The following SCRN2 variants were observed in gnomAD, a reference collection of about 807,000 sequenced individuals.
SCRN2 encodes secernin 2, also known as secernin-2.
SCRN2 carries 30 observed loss-of-function variants against 40.1 expected under a neutral mutation model. The observed-to-expected ratio is 0.75, with a 90% CI of 0.56 to 1.01. The LOEUF (loss-of-function observed/expected upper bound fraction) is 1.01, where lower values mean the gene tolerates loss of function less well. Ranked by LOEUF, SCRN2 falls within the 50% of genes least tolerant of loss-of-function variation. SCRN2 has a pLI of 0.00. For synonymous variants in SCRN2, 240 were observed against 233.5 expected, an observed-to-expected ratio of 1.03 and a Z score of -0.25; for missense variants, 526 against 564.9, an observed-to-expected ratio of 0.93 and a Z score of 0.70.
At chr17:47,841,129 T>G in intron 1 of SCRN2, 79 bp downstream of exon 1, 1 of 325,282 alleles carries the variant, frequency 3.1e-6, no homozygotes, top group Non-Finnish European at 5.6e-6. Flanking sequence ...CCAAGAGTCC[T>G]GCGGCCCTGC....
In SCRN2 at chr17:47,838,573, T is replaced by C. The variant is rs1247071375; in HGVS notation, c.896A>G (p.Gln299Arg). The C allele has an allele frequency of 6.2e-7, 1 of 1,614,104 alleles. No individual in the cohort carries two copies. Among genetic ancestry groups the C allele is most frequent in the African/African-American group, 1.3e-5 (1 of 75,052 alleles). ...MVSVLPQDPT[Q>R]PCVHFLTATP... is the part of the protein sequence containing the mutation. Reference sequence around the variant, plus strand: ...GGCGGTAAGAAAGTGCACGCAGGGCTGCGTGGGATCCTGGGGCAGGACAGA... The same window carrying C: ...GGCGGTAAGAAAGTGCACGCAGGGCCGCGTGGGATCCTGGGGCAGGACAGA... Residue 299 changes from glutamine to arginine, a missense_variant, in exon 6 of 8, where the codon CAG (glutamine) becomes CGG (arginine). Physicochemically the swap from Gln to Arg is conservative, Grantham distance 43 (BLOSUM62 1). Coordinates refer to ENST00000290216, the MANE Select transcript of SCRN2 (RefSeq NM_138355.4).
At chr17:47,838,108 C>A in intron 7 of SCRN2, 106 bp from the exon 8 acceptor site, 1 of 1,533,698 alleles carries the variant, frequency 6.5e-7, no homozygotes, top group Non-Finnish European at 8.7e-7. Context: ...GAGATACCCC[C>A]CGACATTCCC....
At position 47,839,666 on chromosome 17, in the gene SCRN2, G is replaced by A. The variant is rs142824727; in HGVS notation, c.357-23C>T. The A allele has an allele frequency of 4.0e-3, 6,380 of 1,613,064 alleles. 16 individuals carry two copies. The highest frequency in any genetic ancestry group is 5.1e-3 in the Middle Eastern group (31 of 6,056). On this transcript the variant is annotated intron_variant, in intron 3 of 7. Transcript: ENST00000290216. ...AGCCTGGCAAAAGAGAGGGCCAAGG[G>A]ACAGAAGGGTGACAGAGGGATCAAT...
chr17:47,841,015 G>C, intron 1 of SCRN2, 172 bp from the exon 2 acceptor site: 1 of 537,558 alleles, frequency 1.9e-6, no homozygotes, highest in Non-Finnish European at 2.9e-6. Flanking sequence ...CTCTCCCCAG[G>C]CTCCAGGCTT....
rs777623780 is a variant in SCRN2 at position 47,840,802 on chromosome 17, G to A, written c.42C>T (p.Cys14=). 3 of 1,568,904 alleles carry A rather than the reference G, an allele frequency of 1.9e-6. No individual in the cohort carries two copies. The highest frequency in any genetic ancestry group is 1.2e-5 in the South Asian group (1 of 86,228). Residue 14 remains cysteine (C), a synonymous_variant, in exon 2 of 8, where the codon TGC becomes TGT. Transcript: ENST00000290216. ...CTGAGGCCGGGGGCACGGAGACAAA[G>A]CAGTCGCAGGAACATGGGGAGTCAG... ...SSPDSPCSCD[C]FVSVPPASAI...
rs1276521831 is a variant in SCRN2 at position 47,838,804 on chromosome 17, C to T, written c.759G>A (p.Leu253=). Residue 253 remains leucine, a synonymous_variant, in exon 5 of 8, where the codon CTG becomes CTA. Transcript: ENST00000290216. ...KARFQAGREL[L]RQRQGGITAE... The stretch of plus-strand genomic sequence containing the variant: ...CCGTTCACTAACCTTGCCGTTGCCG[C>T]AGCAGCTCCCGCCCTGCCTGGAAGC... The T allele has an allele frequency of 3.7e-6, 6 of 1,613,010 alleles. No homozygotes were observed. The Admixed American group carries it at 8.3e-5, about 22-fold the overall frequency.
rs750068461 is a variant in SCRN2, at chr17:47,838,366, A to G, written c.1023T>C (p.Pro341=). The G allele has an allele frequency of 1.2e-5, 19 of 1,609,456 alleles. No homozygotes were observed. In the East Asian group the frequency reaches 4.2e-4, roughly 36 times the overall value. Residue 341 remains proline, a synonymous_variant, in exon 7 of 8, where the codon CCT becomes CCC. Coordinates refer to ENST00000290216, the MANE Select transcript of SCRN2 (RefSeq NM_138355.4). ...VLSPTFGAQD[P]VRTLPRFQTQ... is the part of the protein sequence containing the mutation. ...TCTGGAATCGGGGCAGGGTCCGAACAGGGTCTTGTGCTCCAAAAGTGGGGG... is the reference window on the plus strand; with the variant it reads ...TCTGGAATCGGGGCAGGGTCCGAACGGGGTCTTGTGCTCCAAAAGTGGGGG...
rs147542181 is a variant in SCRN2, at chr17:47,837,906, G to A, written c.1216C>T (p.Leu406Phe). 8.7e-6 allele frequency: 14 copies of A among 1,605,104 alleles called. No individual in the cohort carries two copies. Among genetic ancestry groups the A allele is most frequent in the Non-Finnish European group, 1.2e-5 (14 of 1,179,618 alleles). The change falls in exon 8 of 8, where the codon CTC becomes TTC. Residue 406 changes from leucine to phenylalanine, a missense_variant. Coordinates refer to ENST00000290216, the MANE Select transcript of SCRN2 (RefSeq NM_138355.4). ...GLLAGEWAPP[L>F]WELGSLFQAF... is the part of the protein sequence containing the mutation. ...TGGAAGAGGCTGCCCAGCTCCCAGA[G>A]GGGTGGGGCCCACTCGCCGGCCAGC... is the stretch of plus-strand genomic sequence containing the variant.
chr17:47,840,986 G>C lies in SCRN2; in HGVS notation c.1-143C>G, dbSNP rs900257962. The C allele has an allele frequency of 2.3e-5, 17 of 731,648 alleles. No homozygotes were observed. In the African/African-American group the frequency reaches 3.0e-4, roughly 13 times the overall value. 45.3% of individuals were successfully genotyped at this position (731,648 alleles called of 1,614,324 possible). On this transcript the variant is annotated intron_variant, in intron 1 of 7. Coordinates refer to ENST00000290216, the MANE Select transcript of SCRN2 (RefSeq NM_138355.4). ...GCGCACACACCATGGACGGGTGTGCGGGAACGGAGGTGCCCACCCTCTCCC... is the reference window on the plus strand; with the variant it reads ...GCGCACACACCATGGACGGGTGTGCCGGAACGGAGGTGCCCACCCTCTCCC...
At chr17:47,839,764 A>C (rs185498197) in intron 3 of SCRN2, 121 bp from the exon 4 acceptor site, 2 of 983,630 alleles carry the variant, frequency 2.0e-6, no homozygotes, top group Admixed American at 2.0e-5. Flanking sequence ...TCACACAGCA[A>C]ATCTGCTGGC....
Position 47,838,951 on chromosome 17 carries a change from T to C in SCRN2, c.612A>G (p.Gln204=). ...QLSIGTDISA[Q]HPELRTHAQA... The stretch of plus-strand genomic sequence containing the variant: ...GGGCATGAGTCCGCAGCTCCGGGTG[T>C]TGGGCCGAGATGTCCGTGCCAATGC... The change falls in exon 5 of 8, where the codon CAA becomes CAG. Residue 204 remains glutamine, a synonymous_variant. Coordinates refer to ENST00000290216, the MANE Select transcript of SCRN2 (RefSeq NM_138355.4). 6.2e-7 allele frequency: 1 copy of C among 1,614,036 alleles called. No homozygotes were observed. Among genetic ancestry groups the C allele is most frequent in the South Asian group, 1.1e-5 (1 of 91,088 alleles).
chr17:47,840,026 G>T, intron 3 of SCRN2, 165 bp downstream of exon 3: 1 of 643,252 alleles, frequency 1.6e-6, no homozygotes, highest in Admixed American at 3.0e-5. Context: ...GAGGCCCAAA[G>T]GTGGCTGCTG....
At chr17:47,838,225 A>G in intron 7 of SCRN2, 45 bp downstream of exon 7, 1 of 1,570,514 alleles carries the variant, frequency 6.4e-7, no homozygotes, top group Non-Finnish European at 8.6e-7. Flanking sequence ...GGAGTGGGGG[A>G]GGTCTATCAT....
Position 47,837,782 on chromosome 17 carries a change from A to T in SCRN2, c.*62T>A. On this transcript the variant is annotated 3_prime_UTR_variant, in exon 8 of 8. Coordinates refer to ENST00000290216, the MANE Select transcript of SCRN2 (RefSeq NM_138355.4). ...GAAGGGATTGCTCCACTTTACCACC[A>T]CTCAGGGCACCCAGGCCCCAGGGGT... 6.6e-7 allele frequency: 1 copy of T among 1,519,972 alleles called. No homozygotes were observed. Among genetic ancestry groups the T allele is most frequent in the Non-Finnish European group, 8.7e-7 (1 of 1,145,098 alleles). 94.2% of individuals were successfully genotyped at this position (1,519,972 alleles called of 1,614,324 possible).
chr17:47,840,817 T>TG lies in SCRN2; in HGVS notation c.26dup (p.Cys10MetfsTer54), dbSNP rs780349467. 1 of 1,550,500 alleles carries TG rather than the reference T, an allele frequency of 6.4e-7. No homozygotes were observed. On this transcript the variant is annotated frameshift_variant, in exon 2 of 8. Coordinates refer to ENST00000290216, the MANE Select transcript of SCRN2 (RefSeq NM_138355.4). LOFTEE classifies it high-confidence loss of function. Reference sequence around the variant, plus strand: ...CGGAGACAAAGCAGTCGCAGGAACATGGGGAGTCAGGGCTCGACGACGCCA... The same window carrying TG: ...CGGAGACAAAGCAGTCGCAGGAACATGGGGGAGTCAGGGCTCGACGACGCCA...
At position 47,838,991 on chromosome 17, in the gene SCRN2, A is replaced by T; in HGVS notation, c.572T>A (p.Ile191Asn). ...CGTGCCAATGCTCAGCTGGTTGGAGATGTTGCGGGCCCCCTCTGTGGAGGA... is the reference window on the plus strand; with the variant it reads ...CGTGCCAATGCTCAGCTGGTTGGAGTTGTTGCGGGCCCCCTCTGTGGAGGA... ...AQRIQEGARNISNQLSIGTDI... is the reference protein window; with the variant it reads ...AQRIQEGARNNSNQLSIGTDI... The change falls in exon 5 of 8, where the codon ATC (isoleucine) becomes AAC (asparagine). Residue 191 changes from isoleucine (I) to asparagine (N), a missense_variant. Ile to Asn is a moderately radical substitution (Grantham distance 149, BLOSUM62 -3). Transcript: ENST00000290216. The T allele has an allele frequency of 6.2e-7, 1 of 1,613,900 alleles. No homozygotes were observed. The highest frequency in any genetic ancestry group is 8.5e-7 in the Non-Finnish European group (1 of 1,180,014).
In SCRN2 at chr17:47,838,948, G is replaced by C. The variant is rs866580917; in HGVS notation, c.615C>G (p.His205Gln). 6.2e-7 allele frequency: 1 copy of C among 1,614,064 alleles called. No individual in the cohort carries two copies. Among genetic ancestry groups the C allele is most frequent in the South Asian group, 1.1e-5 (1 of 91,088 alleles). Residue 205 changes from histidine to glutamine, a missense_variant, in exon 5 of 8, where the codon CAC becomes CAG. Coordinates refer to ENST00000290216, the MANE Select transcript of SCRN2 (RefSeq NM_138355.4). ...CCTGGGCATGAGTCCGCAGCTCCGGGTGTTGGGCCGAGATGTCCGTGCCAA... is the reference window on the plus strand; with the variant it reads ...CCTGGGCATGAGTCCGCAGCTCCGGCTGTTGGGCCGAGATGTCCGTGCCAA... ...LSIGTDISAQ[H>Q]PELRTHAQAK...
rs755946466 is a variant in SCRN2 at position 47,837,874 on chromosome 17, G to T, written c.1248C>A (p.Phe416Leu). Reference sequence around the variant, plus strand: ...CATAAGCCTGGCTCTCCCTCTTCACGAAGGCCTGGAAGAGGCTGCCCAGCT... The same window carrying T: ...CATAAGCCTGGCTCTCCCTCTTCACTAAGGCCTGGAAGAGGCTGCCCAGCT... Reference protein sequence around the residue: ...LWELGSLFQAFVKRESQAYA With the variant: ...LWELGSLFQALVKRESQAYA Residue 416 changes from phenylalanine (F) to leucine (L), a missense_variant, in exon 8 of 8, where the codon TTC becomes TTA. Phe to Leu is a conservative substitution (Grantham distance 22). Transcript: ENST00000290216. The T allele has an allele frequency of 6.2e-7, 1 of 1,602,002 alleles. No homozygotes were observed. The highest frequency in any genetic ancestry group is 1.3e-5 in the African/African-American group (1 of 74,906).
intron 4 of SCRN2, 129 bp downstream of exon 4, chr17:47,839,315 G>C (rs1419688818): frequency 1.1e-6 from 1 of 950,294 alleles, no homozygotes; most frequent in Non-Finnish European, 1.6e-6. Flanking sequence ...GTGAAGGGGA[G>C]GAGAATTCCC....
Sources: allele counts gnomAD v4.1 joint callset, GRCh38; gene constraint gnomAD v4.1.1; transcripts MANE v1.5; gene names NCBI Gene and HGNC (gene_info 2026-07-23, HGNC 2026-07-21).